FOXP1: variants seen among roughly 807,000 people sequenced by gnomAD.
FOXP1 encodes the protein forkhead box P1.
A neutral mutation model predicts 98.2 loss-of-function variants in FOXP1; 15 were observed. The observed-to-expected ratio is 0.15, with a 90% CI of 0.10 to 0.24. The LOEUF (loss-of-function observed/expected upper bound fraction) is 0.24, where lower values mean the gene tolerates loss of function less well. Ranked by LOEUF, FOXP1 falls within the 10% of genes least tolerant of loss-of-function variation. The pLI is 1.00. For missense variants in FOXP1, 633 were observed against 848.5 expected (o/e 0.75, Z 3.15); for synonymous variants, 371 against 314.5 (o/e 1.18, Z -1.90).
In FOXP1 at chr3:71,085,875, G is replaced by C. The variant is rs1261700208; in HGVS notation, c.282+26661C>G. Among the ~76,000 whole-genome samples, 29 of 151,266 alleles carry C rather than the reference G, an allele frequency of 1.9e-4. 1 individual carries two copies. The highest frequency in any genetic ancestry group is 1.8e-3 in the Admixed American group (28 of 15,182). On this transcript the variant is annotated intron_variant, in intron 7 of 20. Transcript: ENST00000649528. ...CTCCTGAGTAGCTGGGACCACAGGC[G>C]GGTGCCACCACACCCAGCTATTTTT...
At chr3:71,285,943 A>G (rs950987217) in intron 5 of FOXP1, among the ~76,000 whole-genome samples, 2 of 152,222 alleles carry the variant, frequency 1.3e-5, no homozygotes, top group Non-Finnish European at 2.9e-5. Flanking sequence ...AAAGTCATGT[A>G]TCACTTCACA....
At chr3:71,238,439 G>GTGT (rs1553795122) in intron 5 of FOXP1, among the ~76,000 whole-genome samples, 3 of 151,814 alleles carry the variant, frequency 2.0e-5, no homozygotes, top group African/African-American at 7.3e-5. Flanking sequence ...GGTGTGGGGG[G>GTGT]GTGTGTGTGT....
chr3:71,570,725 T>G (rs2047276203), intron 2 of FOXP1: 1 of 152,194 alleles, frequency 6.6e-6, no homozygotes, highest in South Asian at 2.1e-4. Context: ...AATCTTGGCT[T>G]TGGACACACA....
chr3:71,538,560 T>C (rs1164665136), intron 2 of FOXP1, among the ~76,000 whole-genome samples: 1 of 152,248 alleles, frequency 6.6e-6, no homozygotes, highest in African/African-American at 2.4e-5. Flanking sequence ...GATCCACCAG[T>C]TGATAGACAT....
At chr3:71,350,156 C>T (rs2077685028) in intron 4 of FOXP1, among the ~76,000 whole-genome samples, 1 of 152,188 alleles carries the variant, frequency 6.6e-6, no homozygotes, top group Non-Finnish European at 1.5e-5. Flanking sequence ...CACTTACATT[C>T]TTTATGTGAC....
chr3:71,194,007 T>C (rs1289177967), intron 6 of FOXP1, among the ~76,000 whole-genome samples: 1 of 152,170 alleles, frequency 6.6e-6, no homozygotes, highest in Non-Finnish European at 1.5e-5. Flanking sequence ...ATACTCACTG[T>C]CTTCTGGGCC....
intron 5 of FOXP1, among the ~76,000 whole-genome samples, chr3:71,254,544 G>A (rs911619585): frequency 2.0e-5 from 3 of 152,208 alleles, no homozygotes; most frequent in Middle Eastern, 3.4e-3. Flanking sequence ...CTTTCATTTG[G>A]GTGATTTAAA....
Position 71,047,064 on chromosome 3 carries a change from A to G in FOXP1, c.542T>C (p.Phe181Ser). 6.2e-7 allele frequency: 1 copy of G among 1,614,112 alleles called. No individual in the cohort carries two copies. The highest frequency in any genetic ancestry group is 8.5e-7 in the Non-Finnish European group (1 of 1,179,974). Reference protein sequence around the residue: ...QQQVATQQLAFQQQLLQMQQL... With the variant: ...QQQVATQQLASQQQLLQMQQL... ...CTGCATCTGTAAAAGCTGCTGCTGA[A>G]AAGCCAACTGCTGGGTAGCCACCTG... is the stretch of plus-strand genomic sequence containing the variant. The change falls in exon 10 of 21, where the codon TTT becomes TCT. Residue 181 changes from phenylalanine (F) to serine (S), a missense_variant. This residue lies in a region of FOXP1 where 210 missense variants were observed against 270.6 expected (regional missense o/e 0.78). Coordinates refer to ENST00000649528, the MANE Select transcript of FOXP1 (RefSeq NM_001349338.3).
At chr3:71,404,960 C>T (rs925700247) in intron 3 of FOXP1, among the ~76,000 whole-genome samples, 4 of 152,180 alleles carry the variant, frequency 2.6e-5, no homozygotes, top group Admixed American at 6.5e-5. Context: ...TATGGTTTAT[C>T]GTGCAGAGAC....
intron 2 of FOXP1, among the ~76,000 whole-genome samples, chr3:71,569,487 C>T (rs573843470): frequency 1.2e-4 from 18 of 152,150 alleles, no homozygotes; most frequent in African/African-American, 4.3e-4. Context: ...AATGGAAGAG[C>T]AAGTACTTAT....
chr3:71,544,077 A>G (rs1024553236), intron 2 of FOXP1, among the ~76,000 whole-genome samples: 2 of 151,968 alleles, frequency 1.3e-5, no homozygotes, highest in Non-Finnish European at 2.9e-5. Flanking sequence ...ACACACATAT[A>G]TGTGTGTATT....
At chr3:71,382,460 G>A (rs1158154230) in intron 3 of FOXP1, among the ~76,000 whole-genome samples, 2 of 152,154 alleles carry the variant, frequency 1.3e-5, no homozygotes, top group Non-Finnish European at 2.9e-5. Context: ...CCTAAAACAT[G>A]CCAACTAATA....
chr3:71,224,144 A>G (rs1400642548), intron 5 of FOXP1, among the ~76,000 whole-genome samples: 1 of 152,246 alleles, frequency 6.6e-6, no homozygotes, highest in Non-Finnish European at 1.5e-5. Flanking sequence ...GATATAGCAG[A>G]GGCTCAAGGG....
chr3:71,218,967 A>G (rs1200094458), intron 5 of FOXP1, among the ~76,000 whole-genome samples: 3 of 152,202 alleles, frequency 2.0e-5, no homozygotes, highest in Non-Finnish European at 2.9e-5. Context: ...AAGAGCCACA[A>G]ATTTTGCCTC....
chr3:71,252,829 T>G (rs2068311381), intron 5 of FOXP1, among the ~76,000 whole-genome samples: 2 of 152,042 alleles, frequency 1.3e-5, no homozygotes, highest in South Asian at 4.2e-4. Flanking sequence ...GCCAACCGAG[T>G]GATAAACCTT....
At chr3:70,994,608 G>A (rs527404315) in intron 13 of FOXP1, among the ~76,000 whole-genome samples, 5 of 152,198 alleles carry the variant, frequency 3.3e-5, no homozygotes, top group Admixed American at 6.5e-5. Flanking sequence ...TGTGTATTAC[G>A]GGAAGAGGCC....
At chr3:71,494,549 C>G (rs866899238) in intron 2 of FOXP1, among the ~76,000 whole-genome samples, 96 of 152,326 alleles carry the variant, frequency 6.3e-4, no homozygotes, top group African/African-American at 2.3e-3. Context: ...GCAGCATCCC[C>G]TGGGTGCCCA....
At chr3:71,007,638 T>C (rs1297408459) in intron 12 of FOXP1, among the ~76,000 whole-genome samples, 1 of 152,192 alleles carries the variant, frequency 6.6e-6, no homozygotes, top group Non-Finnish European at 1.5e-5. Context: ...TTTCTTGAAG[T>C]GTTTTCTTAA....
intron 6 of FOXP1, among the ~76,000 whole-genome samples, chr3:71,184,833 G>A (rs1278897207): frequency 1.3e-5 from 2 of 151,764 alleles, no homozygotes; most frequent in African/African-American, 4.8e-5. Context: ...ACTTTTCAGG[G>A]AAAAAGTTAT....
Sources: gnomAD v4.1 joint callset for allele counts (sites outside exome capture counted in the v4.1 genomes callset) on GRCh38, gnomAD v4.1.1 for gene constraint, gnomAD v4.1.1 regional missense constraint, MANE v1.5 for transcripts, NCBI Gene and HGNC (gene_info 2026-07-23, HGNC 2026-07-21) for gene names.